The following CHSY3 variants were observed in gnomAD, a reference collection of about 807,000 sequenced individuals.
The protein encoded by CHSY3 is chondroitin sulfate synthase 3.
A neutral mutation model predicts 67.2 loss-of-function variants in CHSY3; 35 were observed. The ratio of observed to expected loss-of-function variants is 0.52; its 90% CI spans 0.40 to 0.69. The LOEUF (loss-of-function observed/expected upper bound fraction) is 0.69. Ranked by LOEUF, CHSY3 falls within the 30% of genes least tolerant of loss-of-function variation. The probability of loss-of-function intolerance (pLI) is 0.00; values close to 1 mark genes in which losing one functional copy is unlikely to be tolerated. For missense variants in CHSY3, 1,069 were observed against 1,138.5 expected (o/e 0.94, Z 0.88); for synonymous variants, 474 against 434.7 (o/e 1.09, Z -1.12).
chr5:129,993,845 G>T (rs1432836023), intron 2 of CHSY3, among the ~76,000 whole-genome samples: 1 of 151,442 alleles, frequency 6.6e-6, no homozygotes, highest in Non-Finnish European at 1.5e-5. Context: ...GCAGTGGCTG[G>T]TACTGGTTGT....
chr5:129,992,357 A>C (rs956383654), intron 2 of CHSY3, among the ~76,000 whole-genome samples: 7 of 152,134 alleles, frequency 4.6e-5, no homozygotes, highest in Admixed American at 2.6e-4. Flanking sequence ...TATGTCCCCT[A>C]CTTTTATTTA....
At chr5:129,919,481 T>C (rs1760847144) in intron 2 of CHSY3, among the ~76,000 whole-genome samples, 1 of 152,176 alleles carries the variant, frequency 6.6e-6, no homozygotes, top group Non-Finnish European at 1.5e-5. Context: ...GGACTCACAG[T>C]TCCACGTGGC....
At chr5:130,017,180 G>T (rs1454212320) in intron 2 of CHSY3, among the ~76,000 whole-genome samples, 3 of 149,540 alleles carry the variant, frequency 2.0e-5, no homozygotes, top group Non-Finnish European at 3.0e-5. Flanking sequence ...GCCGGCAGTT[G>T]TTTTTTTTTT....
At chr5:130,018,907 A>G (rs1764285949) in intron 2 of CHSY3, among the ~76,000 whole-genome samples, 1 of 152,082 alleles carries the variant, frequency 6.6e-6, no homozygotes, top group South Asian at 2.1e-4. Context: ...GGGTTGCTAT[A>G]AAGCCAGGAT....
chr5:130,006,275 G>A (rs571613341), intron 2 of CHSY3, among the ~76,000 whole-genome samples: 1 of 152,176 alleles, frequency 6.6e-6, no homozygotes, highest in Non-Finnish European at 1.5e-5. Context: ...GGCCTGCAAT[G>A]TTAGGACATA....
chr5:129,963,385 G>A (rs1042152055), intron 2 of CHSY3, among the ~76,000 whole-genome samples: 4 of 151,964 alleles, frequency 2.6e-5, no homozygotes, highest in Non-Finnish European at 4.4e-5. Context: ...ACTTGCCCAC[G>A]ACACTTGAGT....
chr5:130,150,034 G>T (rs139492202), intron 2 of CHSY3, among the ~76,000 whole-genome samples: 1 of 152,092 alleles, frequency 6.6e-6, no homozygotes, highest in Non-Finnish European at 1.5e-5. Flanking sequence ...GATGGCTCTC[G>T]TGTGATTTTA....
In CHSY3 at chr5:129,905,041, G is replaced by A. The variant is rs780522431; in HGVS notation, c.212G>A (p.Arg71Gln). The change falls in exon 1 of 3, where the codon CGG (arginine) becomes CAG (glutamine). Residue 71 changes from arginine to glutamine, a missense_variant. Transcript: ENST00000305031. ...CTCCCCCAGCCCCAGTCCCGACCAC[G>A]GCAGGAGCAGTCGCCGCCCCCCGCG... is the stretch of plus-strand genomic sequence containing the variant. ...QPLPQPQSRP[R>Q]QEQSPPPARQ... 1.3e-6 allele frequency: 2 copies of A among 1,553,766 alleles called. No homozygotes were observed. The highest frequency in any genetic ancestry group is 1.7e-6 in the Non-Finnish European group (2 of 1,156,304).
chr5:130,166,258 C>A (rs1769744161), intron 2 of CHSY3, among the ~76,000 whole-genome samples: 1 of 152,080 alleles, frequency 6.6e-6, no homozygotes, highest in African/African-American at 2.4e-5. Context: ...TCCATTTAAA[C>A]CATTTTAAAA....
At chr5:130,179,029 A>G (rs1001047154) in intron 2 of CHSY3, among the ~76,000 whole-genome samples, 1 of 152,328 alleles carries the variant, frequency 6.6e-6, no homozygotes, top group Admixed American at 6.5e-5. Flanking sequence ...CAACTTCCAC[A>G]ATTATAGTGT....
intron 2 of CHSY3, among the ~76,000 whole-genome samples, chr5:130,180,762 G>A (rs1204083645): frequency 6.6e-6 from 1 of 152,074 alleles, no homozygotes; most frequent in Non-Finnish European, 1.5e-5. Flanking sequence ...GGCTGAGGTG[G>A]GAGGATTGCT....
At chr5:130,133,165 A>G (rs956141171) in intron 2 of CHSY3, among the ~76,000 whole-genome samples, 1 of 152,158 alleles carries the variant, frequency 6.6e-6, no homozygotes, top group Non-Finnish European at 1.5e-5. Context: ...TCCATCATAG[A>G]CATAAAAAGG....
intron 2 of CHSY3, among the ~76,000 whole-genome samples, chr5:130,129,635 G>A (rs1768415824): frequency 6.6e-6 from 1 of 152,058 alleles, no homozygotes; most frequent in Non-Finnish European, 1.5e-5. Flanking sequence ...TTTAGAAAAT[G>A]AATATTAAAT....
intron 2 of CHSY3, among the ~76,000 whole-genome samples, chr5:129,935,180 T>G (rs2149591071): frequency 6.6e-6 from 1 of 152,326 alleles, no homozygotes; most frequent in Non-Finnish European, 1.5e-5. Context: ...TTTATTTTGT[T>G]TTGAGCAGTC....
At chr5:130,027,380 A>G (rs2149657741) in intron 2 of CHSY3, among the ~76,000 whole-genome samples, 1 of 152,270 alleles carries the variant, frequency 6.6e-6, no homozygotes, top group Middle Eastern at 3.4e-3. Context: ...CACCTGTAAA[A>G]GAAATATGAT....
At chr5:130,024,318 A>C (rs912342781) in intron 2 of CHSY3, among the ~76,000 whole-genome samples, 3 of 152,104 alleles carry the variant, frequency 2.0e-5, no homozygotes, top group Non-Finnish European at 4.4e-5. Context: ...GAGTTTGATA[A>C]GATTTAAAAA....
At chr5:129,960,167 C>A (rs1762289905) in intron 2 of CHSY3, among the ~76,000 whole-genome samples, 2 of 151,998 alleles carry the variant, frequency 1.3e-5, no homozygotes, top group East Asian at 1.9e-4. Context: ...TCTTTGTGGG[C>A]TTTACAGGAT....
chr5:130,107,466 T>C (rs899181829), intron 2 of CHSY3, among the ~76,000 whole-genome samples: 1 of 151,476 alleles, frequency 6.6e-6, no homozygotes, highest in Non-Finnish European at 1.5e-5. Flanking sequence ...TGTGTTCGTC[T>C]ATATATATAC....
intron 2 of CHSY3, among the ~76,000 whole-genome samples, chr5:129,959,723 G>A (rs1762277337): frequency 6.6e-6 from 1 of 152,106 alleles, no homozygotes; most frequent in Non-Finnish European, 1.5e-5. Context: ...CATCAGCATA[G>A]GAAAGATGCT....
Sources: gnomAD v4.1 joint callset for allele counts (sites outside exome capture counted in the v4.1 genomes callset) on GRCh38, gnomAD v4.1.1 for gene constraint, MANE v1.5 for transcripts, NCBI Gene and HGNC (gene_info 2026-07-23, HGNC 2026-07-21) for gene names.